BCLAF1: variants seen among roughly 807,000 people sequenced by gnomAD.
BCLAF1 encodes BCL2 associated transcription factor 1.
In BCLAF1, 10 loss-of-function variants were observed where a neutral mutation model predicts 99.5. That is an observed-to-expected ratio of 0.10 (90% CI 0.06 to 0.17). The LOEUF (loss-of-function observed/expected upper bound fraction) is 0.17, where lower values mean the gene tolerates loss of function less well. BCLAF1 is among the 10% of genes least tolerant of loss of function. The pLI is 1.00. For synonymous variants in BCLAF1, 255 were observed against 370.9 expected (o/e 0.69, Z 3.59); for missense variants, 636 against 1,105.8 (o/e 0.58, Z 6.02).
At chr6:136,264,246 A>T (rs909431886) in intron 11 of BCLAF1, among the ~76,000 whole-genome samples, 1 of 152,182 alleles carries the variant, frequency 6.6e-6, no homozygotes, top group African/African-American at 2.4e-5. Flanking sequence ...TCACTCTGTC[A>T]CACAGGCTGG....
In BCLAF1 at chr6:136,258,732, G is replaced by A. The variant is rs902885837; in HGVS notation, c.*2378C>T. 13 of 152,452 alleles carry A rather than the reference G, an allele frequency of 8.5e-5. No homozygotes were observed. The highest frequency in any genetic ancestry group is 2.9e-4 in the African/African-American group (12 of 41,432). 9.4% of individuals were successfully genotyped at this position (152,452 alleles called of 1,614,324 possible). A position where few individuals can be genotyped will look rare whatever the true frequency, so the allele number is the denominator to read the frequency against. ...TTCTCAAATTATAATTCCCAACACT[G>A]ATTTTACCTGTGACAAAAGGAACAA... On this transcript the variant is annotated 3_prime_UTR_variant, in exon 13 of 13. Transcript: ENST00000531224.
chr6:136,287,241 C>A (rs1164516497), intron 1 of BCLAF1, among the ~76,000 whole-genome samples: 1 of 150,564 alleles, frequency 6.6e-6, no homozygotes, highest in African/African-American at 2.4e-5. Flanking sequence ...ACCAGGGAAG[C>A]GGAGGTTGCA....
chr6:136,272,398 T>C (rs1384693792), intron 7 of BCLAF1, among the ~76,000 whole-genome samples: 3 of 151,950 alleles, frequency 2.0e-5, no homozygotes, highest in African/African-American at 7.2e-5. Context: ...CAAACACACA[T>C]GAATAGGATT....
chr6:136,261,074 C>T lies in BCLAF1; in HGVS notation c.*36G>A, dbSNP rs1391685462. On this transcript the variant is annotated 3_prime_UTR_variant, in exon 13 of 13. Coordinates refer to ENST00000531224, the MANE Select transcript of BCLAF1 (RefSeq NM_014739.3). ...AATCAGGTAAAAAAAATGGTGGGTG[C>T]AAGTTCTGCTCTGTTGTAATCTTAC... 6.5e-7 allele frequency: 1 copy of T among 1,541,570 alleles called. No homozygotes were observed. Among genetic ancestry groups the T allele is most frequent in the Non-Finnish European group, 8.7e-7 (1 of 1,144,148 alleles).
Position 136,266,037 on chromosome 6 carries a change from T to A in BCLAF1, c.2544+992A>T, listed in dbSNP as rs143297193. Among the ~76,000 whole-genome samples, 239 of 151,936 alleles carry A rather than the reference T, an allele frequency of 1.6e-3. 1 individual carries two copies. The highest frequency in any genetic ancestry group is 0.012 in the East Asian group (64 of 5,184). On this transcript the variant is annotated intron_variant, in intron 11 of 12. Coordinates refer to ENST00000531224, the MANE Select transcript of BCLAF1 (RefSeq NM_014739.3). ...TGAGAAAACATTATGCATAACGCAC[T>A]CTGTAACTTTTTTTTTTTGGTTCTT...
intron 1 of BCLAF1, among the ~76,000 whole-genome samples, chr6:136,287,466 C>A (rs1785301013): frequency 6.6e-6 from 1 of 152,094 alleles, no homozygotes; most frequent in South Asian, 2.1e-4. Flanking sequence ...ACACTTATTA[C>A]CTGAGTATAA....
chr6:136,268,515 T>C lies in BCLAF1; in HGVS notation c.2220-176A>G, dbSNP rs917793725. 5 of 623,666 alleles carry C rather than the reference T, an allele frequency of 8.0e-6. No individual in the cohort carries two copies. In the African/African-American group the frequency reaches 9.3e-5, roughly 12 times the overall value. The allele number at this position is 623,666 out of a possible 1,614,324, so 38.6% of individuals were successfully genotyped here. A position where few individuals can be genotyped will look rare whatever the true frequency, so the allele number is the denominator to read the frequency against. On this transcript the variant is annotated intron_variant, in intron 9 of 12. Transcript: ENST00000531224. ...AGTCTGTTTCCATTCTCCTTCAATA[T>C]GTGTTTTACATCAATAATGAAAAAC...
chr6:136,287,828 G>C (rs561272006), intron 1 of BCLAF1, among the ~76,000 whole-genome samples: 13 of 152,206 alleles, frequency 8.5e-5, no homozygotes, highest in South Asian at 4.2e-4. Context: ...TCAGGAGTTC[G>C]AGACCAATAT....
chr6:136,263,450 ATTGAGATTTTTG>A (rs1229415481), intron 11 of BCLAF1, among the ~76,000 whole-genome samples: 7 of 152,172 alleles, frequency 4.6e-5, no homozygotes, highest in Admixed American at 4.6e-4. Flanking sequence ...CAGCTACTTA[ATTGAGATTTTTG>A]ATGCTAAACA....
chr6:136,285,781 A>G (rs1414206212), intron 1 of BCLAF1, among the ~76,000 whole-genome samples: 2 of 152,212 alleles, frequency 1.3e-5, no homozygotes, highest in Non-Finnish European at 2.9e-5. Context: ...CAGCTAGAAC[A>G]TAAGTGATCA....
chr6:136,262,766 C>T (rs1332150472), intron 11 of BCLAF1, among the ~76,000 whole-genome samples: 2 of 152,300 alleles, frequency 1.3e-5, no homozygotes, highest in East Asian at 3.9e-4. Flanking sequence ...CACTCCACTA[C>T]ATAATTTCAT....
In BCLAF1 at chr6:136,289,806, C is replaced by G. The variant is rs944099661; in HGVS notation, c.-208G>C. ...CAAGAACGCGAGGAAAACCATAGAGCTACCTTCGACGCGCTAGCACGTCTC... is the reference window on the plus strand; with the variant it reads ...CAAGAACGCGAGGAAAACCATAGAGGTACCTTCGACGCGCTAGCACGTCTC... On this transcript the variant is annotated 5_prime_UTR_variant, in exon 1 of 13. Coordinates refer to ENST00000531224, the MANE Select transcript of BCLAF1 (RefSeq NM_014739.3). The G allele has an allele frequency of 6.5e-6, 1 of 152,716 alleles. No individual in the cohort carries two copies. The highest frequency in any genetic ancestry group is 2.4e-5 in the African/African-American group (1 of 41,476). 9.5% of individuals were successfully genotyped at this position (152,716 alleles called of 1,614,324 possible).
At chr6:136,266,127 A>T (rs962606797) in intron 11 of BCLAF1, among the ~76,000 whole-genome samples, 27 of 152,224 alleles carry the variant, frequency 1.8e-4, no homozygotes, top group Non-Finnish European at 2.1e-4. Context: ...TAGTTTTTCC[A>T]GACAAAATAG....
At chr6:136,275,445 G>C in intron 6 of BCLAF1, 87 bp downstream of exon 6, 2 of 1,293,450 alleles carry the variant, frequency 1.5e-6, no homozygotes, top group Non-Finnish European at 2.1e-6. Context: ...TAGCCCTGGG[G>C]TACATGAATT....
chr6:136,270,795 C>T (rs1461584566), intron 8 of BCLAF1, among the ~76,000 whole-genome samples: 1 of 151,802 alleles, frequency 6.6e-6, no homozygotes, highest in African/African-American at 2.4e-5. Context: ...GGATCAAAAT[C>T]TGGTCTATGT....
In BCLAF1 at chr6:136,278,663, T is replaced by C. The variant is rs1315601048; in HGVS notation, c.218A>G (p.Tyr73Cys). ...ATAATACCCTCTACCCCTTCCTCTG[T>C]ACCCATAAGGTCGTCTCATTCCTCT... ...NNRGMRRPYG[Y>C]RGRGRGYYQG... is the part of the protein sequence containing the mutation. The change falls in exon 4 of 13, where the codon TAC becomes TGC. Residue 73 changes from tyrosine to cysteine, a missense_variant. By Grantham distance (194) the Tyr-to-Cys change is radical. Around this residue, in one of 9 missense-constraint regions of BCLAF1, gnomAD observed 81 missense variants for 132.5 expected, o/e 0.61. Transcript: ENST00000531224. The C allele has an allele frequency of 6.2e-7, 1 of 1,613,282 alleles. No homozygotes were observed. Among genetic ancestry groups the C allele is most frequent in the African/African-American group, 1.3e-5 (1 of 74,860 alleles).
intron 3 of BCLAF1, 88 bp downstream of exon 3, chr6:136,279,675 T>G: frequency 8.2e-7 from 1 of 1,219,580 alleles, no homozygotes; most frequent in Non-Finnish European, 1.0e-6. Flanking sequence ...TAAAATACAT[T>G]TTGGGGTTTA....
intron 8 of BCLAF1, among the ~76,000 whole-genome samples, chr6:136,270,159 A>T (rs1429880699): frequency 2.0e-5 from 3 of 151,952 alleles, no homozygotes; most frequent in Non-Finnish European, 2.9e-5. Context: ...TAATTTCCAT[A>T]ACATGCACGT....
At chr6:136,284,130 GTATATATATATATA>G (rs60218804) in intron 1 of BCLAF1, among the ~76,000 whole-genome samples, 8 of 122,104 alleles carry the variant, frequency 6.6e-5, no homozygotes, top group Middle Eastern at 4.1e-3. Context: ...GTGTGTGTGT[GTATATATATATATA>G]TATATATATA....
Sources: allele counts gnomAD v4.1 joint callset (sites outside exome capture counted in the v4.1 genomes callset), GRCh38; gene constraint gnomAD v4.1.1; regional missense constraint gnomAD v4.1.1; transcripts MANE v1.5; gene names NCBI Gene and HGNC (gene_info 2026-07-23, HGNC 2026-07-21).